The following PAPPA variants were observed in gnomAD, a reference collection of about 807,000 sequenced individuals.
The protein encoded by PAPPA is pappalysin 1.
Under a neutral mutation model 164.0 loss-of-function variants are expected in PAPPA, and 60 were observed. The observed-to-expected ratio is 0.37, with a 90% CI of 0.30 to 0.45. PAPPA has a LOEUF of 0.45. PAPPA is among the 20% of genes least tolerant of loss of function. The pLI, the probability that PAPPA is intolerant of heterozygous loss-of-function variation, is 1.00. For missense variants in PAPPA, 1,782 were observed against 2,087.3 expected, an observed-to-expected ratio of 0.85 and a Z score of 2.85; for synonymous variants, 875 against 814.1, an observed-to-expected ratio of 1.07 and a Z score of -1.27.
At chr9:116,251,625 C>A (rs1009524836) in intron 7 of PAPPA, among the ~76,000 whole-genome samples, 1 of 152,210 alleles carries the variant, frequency 6.6e-6, no homozygotes, top group African/African-American at 2.4e-5. Flanking sequence ...GCCTGTTTAC[C>A]TCCAACTGTA....
intron 9 of PAPPA, among the ~76,000 whole-genome samples, chr9:116,282,064 G>A (rs1386614839): frequency 6.6e-6 from 1 of 152,148 alleles, no homozygotes; most frequent in Non-Finnish European, 1.5e-5. Flanking sequence ...GAACAAGAAG[G>A]AGCCAGTGAG....
intron 8 of PAPPA, among the ~76,000 whole-genome samples, chr9:116,267,130 G>A (rs537699514): frequency 1.3e-5 from 2 of 152,328 alleles, no homozygotes; most frequent in South Asian, 2.1e-4. Context: ...GAATCAACTC[G>A]TAGGAGTAGT....
chr9:116,374,180 TGATGGTGGTGA>T (rs1427436154), intron 19 of PAPPA, among the ~76,000 whole-genome samples: 5 of 111,872 alleles, frequency 4.5e-5, no homozygotes, highest in Admixed American at 4.3e-4. Flanking sequence ...TTGATGATGA[TGATGGTGGTGA>T]TGATGATGGT....
intron 1 of PAPPA, among the ~76,000 whole-genome samples, chr9:116,177,070 CCTT>C (rs983595359): frequency 3.3e-5 from 5 of 151,780 alleles, no homozygotes; most frequent in Non-Finnish European, 7.4e-5. Context: ...ACAGTTCTCT[CCTT>C]CTTCTTCAAT....
At chr9:116,155,522 T>A (rs993047595) in intron 1 of PAPPA, among the ~76,000 whole-genome samples, 6 of 152,226 alleles carry the variant, frequency 3.9e-5, no homozygotes, top group African/African-American at 1.4e-4. Flanking sequence ...CTTTTCTGTC[T>A]GGGAGATTCC....
At chr9:116,331,418 C>A in intron 11 of PAPPA, 61 bp downstream of exon 11, 2 of 965,676 alleles carry the variant, frequency 2.1e-6, no homozygotes, top group Admixed American at 3.5e-5. Context: ...AACACTGACT[C>A]CCATGACCCT....
At chr9:116,157,948 C>T (rs1043039985) in intron 1 of PAPPA, among the ~76,000 whole-genome samples, 2 of 152,030 alleles carry the variant, frequency 1.3e-5, no homozygotes, top group Non-Finnish European at 2.9e-5. Context: ...ACTCAATTTG[C>T]TCCATCGAGC....
chr9:116,337,520 A>AT (rs1846076809), intron 13 of PAPPA, among the ~76,000 whole-genome samples: 1 of 152,136 alleles, frequency 6.6e-6, no homozygotes, highest in African/African-American at 2.4e-5. Flanking sequence ...TTTATAACAC[A>AT]AATTTCAACT....
At chr9:116,227,286 C>T in intron 5 of PAPPA, 145 bp from the exon 6 acceptor site, 1 of 842,098 alleles carries the variant, frequency 1.2e-6, no homozygotes, top group South Asian at 1.7e-5. Context: ...CGGTTATTTC[C>T]AGAAGCCTTG....
At chr9:116,381,954 T>G (rs1846737040) in intron 20 of PAPPA, among the ~76,000 whole-genome samples, 1 of 152,214 alleles carries the variant, frequency 6.6e-6, no homozygotes, top group Admixed American at 6.5e-5. Flanking sequence ...CAGTTTACAT[T>G]CAGCTTCCTA....
chr9:116,260,078 AT>A (rs2118800383), intron 7 of PAPPA, among the ~76,000 whole-genome samples: 1 of 152,326 alleles, frequency 6.6e-6, no homozygotes, highest in South Asian at 2.1e-4. Context: ...CAAAATAAGT[AT>A]AGTATTGAAA....
intron 7 of PAPPA, 73 bp from the exon 8 acceptor site, chr9:116,265,784 G>T (rs1845060588): frequency 7.9e-7 from 1 of 1,266,270 alleles, no homozygotes; most frequent in Non-Finnish European, 1.1e-6. Context: ...TACTCCAGGG[G>T]ATCAATTTTC....
rs999429894 is a variant in PAPPA, at chr9:116,235,691, C to T, written c.2732+54C>T. ...ATTAAGTGGGTGGGTTGTGGAGGAA[C>T]GTGAGGTGGGTCAGAGAGGCCTGGA... On this transcript the variant is annotated intron_variant, in intron 7 of 21. Transcript: ENST00000328252. 5.4e-5 allele frequency: 86 copies of T among 1,582,606 alleles called. 1 individual carries two copies. Among genetic ancestry groups the T allele is most frequent in the Admixed American group, 5.0e-5 (3 of 59,778 alleles).
intron 6 of PAPPA, among the ~76,000 whole-genome samples, chr9:116,232,983 G>A (rs1034439149): frequency 1.3e-5 from 2 of 152,202 alleles, no homozygotes; most frequent in Admixed American, 6.5e-5. Context: ...CTCCAAGGAA[G>A]GGAGGAAGAT....
intron 10 of PAPPA, among the ~76,000 whole-genome samples, chr9:116,327,436 C>G (rs569857036): frequency 2.0e-5 from 3 of 151,956 alleles, no homozygotes; most frequent in Non-Finnish European, 4.4e-5. Flanking sequence ...AGATGATGAG[C>G]GAAGAAGAGC....
chr9:116,296,232 G>A (rs1283906547), intron 9 of PAPPA, among the ~76,000 whole-genome samples: 2 of 152,216 alleles, frequency 1.3e-5, no homozygotes, highest in Non-Finnish European at 2.9e-5. Context: ...ATAAGAAGGT[G>A]CCTCTGTTTT....
At chr9:116,396,325 C>G (rs1846962472) in intron 21 of PAPPA, among the ~76,000 whole-genome samples, 184 bp from the exon 22 acceptor site, 1 of 152,174 alleles carries the variant, frequency 6.6e-6, no homozygotes, top group African/African-American at 2.4e-5. Context: ...CAAATGAAAA[C>G]TGCTGTGATT....
At chr9:116,280,328 C>A (rs1203460769) in intron 9 of PAPPA, among the ~76,000 whole-genome samples, 1 of 151,980 alleles carries the variant, frequency 6.6e-6, no homozygotes, top group African/African-American at 2.4e-5. Flanking sequence ...AACCAAAGGG[C>A]CTCCTTTACA....
At position 116,365,551 on chromosome 9, in the gene PAPPA, G is replaced by GTTTTTT. The variant is rs56204027; in HGVS notation, c.4496-2084_4496-2079dup. 1.0e-3 allele frequency among the ~76,000 whole-genome samples: 106 copies of GTTTTTT among 101,474 alleles called. 12 individuals carry two copies. Among genetic ancestry groups the GTTTTTT allele is most frequent in the East Asian group, 1.5e-3 (4 of 2,750 alleles). 66.6% of individuals were successfully genotyped at this position (101,474 alleles called of 152,430 possible). On this transcript the variant is annotated intron_variant, in intron 18 of 21. Coordinates refer to ENST00000328252, the MANE Select transcript of PAPPA (RefSeq NM_002581.5). Reference sequence around the variant, plus strand: ...GCAAGTGTCTCCTGTTTTGACAACCGTTTTTTTTTTTTTTTCCTCTCTTGG... The same window carrying GTTTTTT: ...GCAAGTGTCTCCTGTTTTGACAACCGTTTTTTTTTTTTTTTTTTTTTCCTCTCTTGG...
Sources: gnomAD v4.1 joint callset for allele counts (sites outside exome capture counted in the v4.1 genomes callset) on GRCh38, gnomAD v4.1.1 for gene constraint, MANE v1.5 for transcripts, NCBI Gene and HGNC (gene_info 2026-07-23, HGNC 2026-07-21) for gene names.